CCDC73: variants seen among roughly 807,000 people sequenced by gnomAD.
The protein encoded by CCDC73 is coiled-coil domain containing 73.
Under a neutral mutation model 116.5 loss-of-function variants are expected in CCDC73, and 95 were observed. The ratio of observed to expected loss-of-function variants is 0.82; its 90% CI spans 0.69 to 0.97. The LOEUF is 0.97. Among genes scored for constraint, CCDC73 ranks in the 50% least tolerant of loss-of-function variants. CCDC73 has a pLI of 0.00. For synonymous variants in CCDC73, 398 were observed against 401.3 expected, an observed-to-expected ratio of 0.99 and a Z score of 0.10; for missense variants, 1,066 against 1,206.8, an observed-to-expected ratio of 0.88 and a Z score of 1.73.
chr11:32,662,950 T>C (rs1203104304), intron 9 of CCDC73, among the ~76,000 whole-genome samples: 2 of 152,214 alleles, frequency 1.3e-5, no homozygotes, highest in Non-Finnish European at 2.9e-5. Flanking sequence ...AGGGAATCCT[T>C]TCCCCATTTC....
chr11:32,709,656 G>A (rs1849882907), intron 3 of CCDC73, among the ~76,000 whole-genome samples: 1 of 152,148 alleles, frequency 6.6e-6, no homozygotes, highest in Admixed American at 6.5e-5. Context: ...GTTCATCAGG[G>A]ATATTGGTCT....
intron 13 of CCDC73, among the ~76,000 whole-genome samples, chr11:32,639,615 A>AT (rs1434911423): frequency 7.2e-5 from 11 of 151,806 alleles, no homozygotes; most frequent in Non-Finnish European, 8.8e-5. Flanking sequence ...CGCCCGGCTA[A>AT]TTTTTGTATT....
chr11:32,637,017 CTTTTTTTT>C (rs71063750), intron 13 of CCDC73, among the ~76,000 whole-genome samples: 2 of 87,940 alleles, frequency 2.3e-5, no homozygotes, highest in East Asian at 5.2e-4. Context: ...TTTTCTTTTT[CTTTTTTTT>C]TTTTTTTTTT....
intron 9 of CCDC73, among the ~76,000 whole-genome samples, chr11:32,657,082 A>G (rs920894720): frequency 1.3e-5 from 2 of 152,224 alleles, no homozygotes; most frequent in African/African-American, 2.4e-5. Context: ...ATTAGAGAAG[A>G]AGCCAGTATA....
At chr11:32,685,844 C>G (rs1856194146) in intron 6 of CCDC73, among the ~76,000 whole-genome samples, 1 of 151,442 alleles carries the variant, frequency 6.6e-6, no homozygotes. Flanking sequence ...GCCTCAGCCT[C>G]CCGAGTAGCT....
chr11:32,671,398 C>CAAAAAA (rs58075036), intron 9 of CCDC73, among the ~76,000 whole-genome samples: 1 of 122,422 alleles, frequency 8.2e-6, no homozygotes. Context: ...AACTTTGCTC[C>CAAAAAA]AAAAAAAAAA....
intron 13 of CCDC73, 116 bp from the exon 14 acceptor site, chr11:32,635,946 C>A: frequency 1.5e-6 from 1 of 661,400 alleles, no homozygotes; most frequent in African/African-American, 1.9e-5. Context: ...AAAACAATCA[C>A]AAAGTCATTA....
chr11:32,701,627 G>A (rs1053524710), intron 4 of CCDC73, among the ~76,000 whole-genome samples: 1 of 152,082 alleles, frequency 6.6e-6, no homozygotes, highest in African/African-American at 2.4e-5. Context: ...GTTGGAGATT[G>A]CAGTGAGCTG....
At chr11:32,803,064 C>T in the CCDC73 span, among the ~76,000 whole-genome samples, 44 of 150,952 alleles carry the variant, frequency 2.9e-4, no homozygotes, top group African/African-American at 8.0e-4. Flanking sequence ...CCTGAGCCAT[C>T]GTATTTACCA....
At chr11:32,653,810 T>A (rs1281538856) in intron 11 of CCDC73, among the ~76,000 whole-genome samples, 168 bp downstream of exon 11, 3 of 152,130 alleles carry the variant, frequency 2.0e-5, no homozygotes, top group Admixed American at 1.3e-4. Flanking sequence ...AACTAAGGTA[T>A]TTTTTAATGA....
rs1855856678 is a variant in CCDC73, at chr11:32,654,862, A to C, written c.756T>G (p.Leu252=). The C allele has an allele frequency of 1.3e-6, 2 of 1,561,654 alleles. No homozygotes were observed. Among genetic ancestry groups the C allele is most frequent in the Non-Finnish European group, 1.7e-6 (2 of 1,147,924 alleles). ...AAAATACCATGTTGAGTCTTTCTTG[A>C]AGTTCTTGAAATTTTTGTTCTTTAA... ...LTIKEQKFQE[L]QERLNMELEL... The change falls in exon 10 of 18, where the codon CTT becomes CTG. Residue 252 remains leucine (L), a synonymous_variant. Coordinates refer to ENST00000335185, the MANE Select transcript of CCDC73 (RefSeq NM_001008391.4).
chr11:32,760,059 ACAAAATC>A, intron 2 of CCDC73, 43 bp downstream of exon 2: 2 of 1,492,342 alleles, frequency 1.3e-6, no homozygotes, highest in South Asian at 2.5e-5. Context: ...AATAAACTGA[ACAAAATC>A]AAGTTTTCTT....
At chr11:32,663,119 T>C (rs1040725900) in intron 9 of CCDC73, among the ~76,000 whole-genome samples, 5 of 152,164 alleles carry the variant, frequency 3.3e-5, no homozygotes, top group African/African-American at 9.7e-5. Flanking sequence ...AGTCAGGTAG[T>C]GTGATGCCTC....
chr11:32,674,447 T>G (rs1437555119), intron 9 of CCDC73, among the ~76,000 whole-genome samples: 1 of 152,176 alleles, frequency 6.6e-6, no homozygotes, highest in Non-Finnish European at 1.5e-5. Flanking sequence ...ATATTTTTAG[T>G]TGCAAATCAT....
intron 14 of CCDC73, among the ~76,000 whole-genome samples, chr11:32,626,903 C>A (rs927980598): frequency 6.6e-6 from 1 of 152,172 alleles, no homozygotes; most frequent in African/African-American, 2.4e-5. Context: ...CCATTCAGGA[C>A]ATAGGCATGG....
chr11:32,788,721 C>T (rs1178324758), intron 1 of CCDC73, among the ~76,000 whole-genome samples: 1 of 152,160 alleles, frequency 6.6e-6, no homozygotes, highest in Admixed American at 6.5e-5. Flanking sequence ...CCACCTCAGC[C>T]TCCCAAAGTG....
the CCDC73 span, among the ~76,000 whole-genome samples, chr11:32,800,876 A>G: frequency 6.6e-6 from 1 of 152,236 alleles, no homozygotes; most frequent in African/African-American, 2.4e-5. Flanking sequence ...AAAAATTGTT[A>G]TCAGGATGCC....
intron 2 of CCDC73, among the ~76,000 whole-genome samples, chr11:32,748,222 GTCTT>G (rs1277264379): frequency 2.0e-5 from 3 of 148,770 alleles, no homozygotes; most frequent in African/African-American, 5.0e-5. Flanking sequence ...CTTCCTTCCT[GTCTT>G]TCTTTCAATG....
chr11:32,697,694 G>A (rs1849766284), intron 6 of CCDC73, among the ~76,000 whole-genome samples: 1 of 151,820 alleles, frequency 6.6e-6, no homozygotes, highest in African/African-American at 2.4e-5. Context: ...ATGTTGGCCA[G>A]GCTGGTCTCC....
Sources: allele counts gnomAD v4.1 joint callset (sites outside exome capture counted in the v4.1 genomes callset), GRCh38; gene constraint gnomAD v4.1.1; transcripts MANE v1.5; gene names NCBI Gene and HGNC (gene_info 2026-07-23, HGNC 2026-07-21).